GRIA4: variants seen among roughly 807,000 people sequenced by gnomAD.
GRIA4 encodes the protein glutamate receptor 4.
GRIA4 carries 34 observed loss-of-function variants against 104.0 expected under a neutral mutation model. That is an observed-to-expected ratio of 0.33 (90% CI 0.25 to 0.44). GRIA4 has a LOEUF of 0.44. Among genes scored for constraint, GRIA4 ranks in the 20% least tolerant of loss-of-function variants. The pLI is 1.00. For missense variants in GRIA4, 750 were observed against 1,096.5 expected, an observed-to-expected ratio of 0.68 and a Z score of 4.46; for synonymous variants, 386 against 381.9, an observed-to-expected ratio of 1.01 and a Z score of -0.13.
intron 3 of GRIA4, among the ~76,000 whole-genome samples, chr11:105,684,464 T>TA (rs1952808061): frequency 6.6e-6 from 1 of 151,094 alleles, no homozygotes; most frequent in Non-Finnish European, 1.5e-5. Flanking sequence ...TATGTTGACT[T>TA]AGAGTGACCA....
intron 6 of GRIA4, among the ~76,000 whole-genome samples, chr11:105,891,736 T>C (rs1946461544): frequency 6.6e-6 from 1 of 152,164 alleles, no homozygotes; most frequent in African/African-American, 2.4e-5. Flanking sequence ...ATAGAACTTA[T>C]TCTTGTTTTT....
At chr11:105,924,357 A>G in intron 11 of GRIA4, 42 bp from the exon 12 acceptor site, 1 of 1,462,552 alleles carries the variant, frequency 6.8e-7, no homozygotes, top group South Asian at 1.4e-5. Context: ...GCTTCATGAA[A>G]TTCATTAACC....
chr11:105,855,745 T>C (rs1591356298), intron 4 of GRIA4, among the ~76,000 whole-genome samples: 1 of 152,100 alleles, frequency 6.6e-6, no homozygotes, highest in African/African-American at 2.4e-5. Context: ...AAGAGATCAG[T>C]GTATTCATAG....
intron 3 of GRIA4, among the ~76,000 whole-genome samples, chr11:105,642,896 A>G (rs971346402): frequency 3.9e-5 from 6 of 152,198 alleles, no homozygotes; most frequent in Non-Finnish European, 7.3e-5. Context: ...TTTATAAAGG[A>G]ATGGTTTAAT....
intron 3 of GRIA4, among the ~76,000 whole-genome samples, chr11:105,694,253 G>A (rs1034309255): frequency 1.6e-4 from 24 of 151,616 alleles, no homozygotes. Context: ...GGGTTCAAGC[G>A]ATTCTCCTGC....
Position 105,627,398 on chromosome 11 carries a change from G to A in GRIA4, c.247+14964G>A, listed in dbSNP as rs1404469448. ...CTGCCCTGGAGGATAGGATAAGGAT[G>A]TTATGCCATATTCTTCCACAGAAGA... On this transcript the variant is annotated intron_variant, in intron 3 of 16. Transcript: ENST00000282499. 1.3e-5 allele frequency among the ~76,000 whole-genome samples: 2 copies of A among 152,072 alleles called. 1 individual carries two copies. Among genetic ancestry groups the A allele is most frequent in the African/African-American group, 4.8e-5 (2 of 41,404 alleles).
chr11:105,829,373 T>C (rs570257808), intron 4 of GRIA4, among the ~76,000 whole-genome samples: 1 of 152,146 alleles, frequency 6.6e-6, no homozygotes. Flanking sequence ...TATCTCCTCA[T>C]GTTTCATCTT....
At chr11:105,931,998 A>C (rs970465887) in intron 13 of GRIA4, among the ~76,000 whole-genome samples, 2 of 151,182 alleles carry the variant, frequency 1.3e-5, no homozygotes. Flanking sequence ...TGTACACACT[A>C]CTCAGCACTG....
At chr11:105,729,595 T>C (rs1192147301) in intron 3 of GRIA4, among the ~76,000 whole-genome samples, 1 of 152,172 alleles carries the variant, frequency 6.6e-6, no homozygotes, top group Non-Finnish European at 1.5e-5. Flanking sequence ...TGAACATCAA[T>C]GCAAAAATCC....
At chr11:105,827,074 C>G (rs1210634027) in intron 4 of GRIA4, among the ~76,000 whole-genome samples, 2 of 152,000 alleles carry the variant, frequency 1.3e-5, no homozygotes, top group African/African-American at 4.8e-5. Context: ...CTACCACTCA[C>G]TGTTCCAGGT....
At chr11:105,815,995 GC>G (rs1459915524) in intron 4 of GRIA4, among the ~76,000 whole-genome samples, 1 of 152,022 alleles carries the variant, frequency 6.6e-6, no homozygotes, top group Non-Finnish European at 1.5e-5. Flanking sequence ...TGCTTACCAT[GC>G]TTTTGACCCC....
intron 4 of GRIA4, among the ~76,000 whole-genome samples, chr11:105,760,780 G>A (rs1940590775): frequency 1.3e-5 from 2 of 151,448 alleles, no homozygotes; most frequent in South Asian, 2.1e-4. Context: ...AATATGCATT[G>A]TTGTGAAGTA....
intron 4 of GRIA4, among the ~76,000 whole-genome samples, chr11:105,781,613 T>G (rs1753774210): frequency 6.6e-6 from 1 of 152,160 alleles, no homozygotes; most frequent in Non-Finnish European, 1.5e-5. Context: ...ACGTCTTAGT[T>G]CTTAAAGAAA....
chr11:105,688,542 G>A (rs1952975241), intron 3 of GRIA4, among the ~76,000 whole-genome samples: 10 of 152,062 alleles, frequency 6.6e-5, no homozygotes, highest in Admixed American at 6.6e-4. Context: ...CAGCCTGGGC[G>A]ACAGAGTGAG....
chr11:105,945,850 C>A (rs528650280), intron 14 of GRIA4, among the ~76,000 whole-genome samples: 1 of 152,168 alleles, frequency 6.6e-6, no homozygotes, highest in African/African-American at 2.4e-5. Context: ...GTAAAATATA[C>A]ATAGTTACTA....
At chr11:105,938,822 G>A (rs546312720) in intron 14 of GRIA4, among the ~76,000 whole-genome samples, 7 of 152,152 alleles carry the variant, frequency 4.6e-5, no homozygotes, top group South Asian at 2.1e-4. Context: ...CTAAGACATC[G>A]CATGGTAAAG....
chr11:105,778,808 A>C (rs933645620), intron 4 of GRIA4, among the ~76,000 whole-genome samples: 5 of 147,880 alleles, frequency 3.4e-5, no homozygotes, highest in Non-Finnish European at 7.5e-5. Flanking sequence ...ATTATACTTT[A>C]AGTTTTAGGG....
At position 105,721,045 on chromosome 11, in the gene GRIA4, C is replaced by T. The variant is rs563687287; in HGVS notation, c.248-31936C>T. ...GGACAGTGTTAAGTGGTTTTGGGTC[C>T]TTCTTCCTGGGATCAGAGCCTTGTT... is the stretch of plus-strand genomic sequence containing the variant. On this transcript the variant is annotated intron_variant, in intron 3 of 16. Coordinates refer to ENST00000282499, the MANE Select transcript of GRIA4 (RefSeq NM_000829.4). Among the ~76,000 whole-genome samples the T allele has an allele frequency of 3.0e-4, 45 of 152,186 alleles. 2 individuals are homozygous for T. In the South Asian group the frequency reaches 9.3e-3, roughly 32 times the overall value.
At chr11:105,725,718 T>C (rs1398315515) in intron 3 of GRIA4, among the ~76,000 whole-genome samples, 1 of 151,940 alleles carries the variant, frequency 6.6e-6, no homozygotes, top group East Asian at 1.9e-4. Context: ...TGGGACTAAT[T>C]AGACAGTGAG....
Sources: gnomAD v4.1 joint callset for allele counts (sites outside exome capture counted in the v4.1 genomes callset) on GRCh38, gnomAD v4.1.1 for gene constraint, MANE v1.5 for transcripts, NCBI Gene and HGNC (gene_info 2026-07-23, HGNC 2026-07-21) for gene names.